KCNN2: variants seen among roughly 807,000 people sequenced by gnomAD.
The protein encoded by KCNN2 is potassium calcium-activated channel subfamily N member 2, also known as small conductance calcium-activated potassium channel protein 2.
In KCNN2, 24 loss-of-function variants were observed where a neutral mutation model predicts 55.5. That is an observed-to-expected ratio of 0.43 (90% CI 0.31 to 0.61). The LOEUF is 0.61. KCNN2 is among the 20% of genes least tolerant of loss of function. The probability of loss-of-function intolerance (pLI) is 0.08; values close to 1 mark genes in which losing one functional copy is unlikely to be tolerated. For missense variants in KCNN2, 754 were observed against 853.6 expected, an observed-to-expected ratio of 0.88 and a Z score of 1.45; for synonymous variants, 431 against 336.1, an observed-to-expected ratio of 1.28 and a Z score of -3.09.
chr5:114,303,787 G>A (rs568545166), intron 2 of KCNN2, among the ~76,000 whole-genome samples: 52 of 152,230 alleles, frequency 3.4e-4, no homozygotes, highest in African/African-American at 1.3e-3. Flanking sequence ...AGGTGGTAGG[G>A]CACTAGAAAA....
Position 114,241,751 on chromosome 5 carries a change from T to TATATAC in KCNN2, c.-185+20186_-185+20187insATATAC, listed in dbSNP as rs1491525723. 7.2e-4 allele frequency among the ~76,000 whole-genome samples: 5 copies of TATATAC among 6,952 alleles called. 1 individual carries two copies. Among genetic ancestry groups the TATATAC allele is most frequent in the East Asian group, 0.029 (1 of 34 alleles). 4.6% of individuals were successfully genotyped at this position (6,952 alleles called of 152,430 possible). ...ATATATACATATATACGTATATATA[T>TATATAC]GTATATATATACGTATATATATACA... On this transcript the variant is annotated intron_variant, in intron 2 of 10. Transcript: ENST00000512097.
At chr5:114,241,775 C>CAT (rs1754639435) in intron 2 of KCNN2, among the ~76,000 whole-genome samples, 1 of 17,450 alleles carries the variant, frequency 5.7e-5, no homozygotes, top group African/African-American at 2.4e-4. Flanking sequence ...TATATATATA[C>CAT]ATATATACGT....
intron 1 of KCNN2, among the ~76,000 whole-genome samples, chr5:114,197,331 G>T (rs1294074620): frequency 6.6e-6 from 1 of 152,156 alleles, no homozygotes; most frequent in Non-Finnish European, 1.5e-5. Context: ...AGACATATTT[G>T]TTAGTTCTAG....
intron 2 of KCNN2, among the ~76,000 whole-genome samples, chr5:114,229,440 A>G (rs1035753162): frequency 6.6e-6 from 1 of 151,890 alleles, no homozygotes. Context: ...TATATTAACT[A>G]TCTTGCATGT....
chr5:114,386,186 A>C (rs1309865712), intron 2 of KCNN2, among the ~76,000 whole-genome samples: 1 of 151,220 alleles, frequency 6.6e-6, no homozygotes, highest in East Asian at 1.9e-4. Context: ...CTGTCTAAAA[A>C]AAAAAAAAAA....
intron 2 of KCNN2, among the ~76,000 whole-genome samples, chr5:114,375,483 C>T (rs192123163): frequency 1.6e-3 from 243 of 152,116 alleles, no homozygotes; most frequent in African/African-American, 5.5e-3. Context: ...TGCTGTAAGT[C>T]AATTTTCATA....
Position 114,144,174 on chromosome 5 carries a change from T to C in KCNN2, c.-270-77306T>C, listed in dbSNP as rs1001976285. Reference sequence around the variant, plus strand: ...ATGGCGTTTTACTGATTCCCAATTGTGAACAGACTCATTATGTTGAAACGG... The same window carrying C: ...ATGGCGTTTTACTGATTCCCAATTGCGAACAGACTCATTATGTTGAAACGG... On this transcript the variant is annotated intron_variant, in intron 1 of 10. Coordinates refer to the KCNN2 transcript ENST00000512097. 2.6e-5 allele frequency among the ~76,000 whole-genome samples: 4 copies of C among 152,324 alleles called. No individual in the cohort carries two copies. The South Asian group carries it at 6.2e-4, about 24-fold the overall frequency.
At chr5:114,465,861 A>G (rs1458158926) in intron 4 of KCNN2, among the ~76,000 whole-genome samples, 1 of 152,168 alleles carries the variant, frequency 6.6e-6, no homozygotes, top group Non-Finnish European at 1.5e-5. Flanking sequence ...TTTGAGTAAC[A>G]TATTTGAGAT....
intron 2 of KCNN2, among the ~76,000 whole-genome samples, chr5:114,240,917 A>G (rs923155207): frequency 3.9e-5 from 6 of 152,212 alleles, no homozygotes; most frequent in African/African-American, 1.2e-4. Flanking sequence ...AAATTACACA[A>G]GAGGATTTAT....
chr5:114,133,341 C>T (rs959515676), intron 1 of KCNN2, among the ~76,000 whole-genome samples: 2 of 152,156 alleles, frequency 1.3e-5, no homozygotes, highest in African/African-American at 4.8e-5. Flanking sequence ...TGTCCTTTTA[C>T]TTTTAAAGTG....
intron 2 of KCNN2, among the ~76,000 whole-genome samples, chr5:114,268,050 C>A (rs1227295699): frequency 6.6e-6 from 1 of 152,202 alleles, no homozygotes; most frequent in East Asian, 1.9e-4. Flanking sequence ...CTAGCACTTC[C>A]CACTTGATGC....
intron 2 of KCNN2, among the ~76,000 whole-genome samples, chr5:114,241,786 A>G (rs1409815728): frequency 0.18 from 4,289 of 23,986 alleles, 1,157 homozygotes; most frequent in South Asian, 0.28. Flanking sequence ...ATATATACGT[A>G]TATATATGTA....
chr5:114,419,720 G>A (rs1333673437), intron 3 of KCNN2, among the ~76,000 whole-genome samples: 1 of 152,236 alleles, frequency 6.6e-6, no homozygotes, highest in Non-Finnish European at 1.5e-5. Context: ...GGCCTGTGCA[G>A]TGGCTCATGC....
intron 2 of KCNN2, among the ~76,000 whole-genome samples, chr5:114,319,139 A>C (rs1756565351): frequency 6.6e-6 from 1 of 152,176 alleles, no homozygotes; most frequent in African/African-American, 2.4e-5. Flanking sequence ...GGGGAGACAA[A>C]ATAGATTAAG....
At chr5:114,211,194 G>A (rs1458896742) in intron 1 of KCNN2, among the ~76,000 whole-genome samples, 1 of 152,120 alleles carries the variant, frequency 6.6e-6, no homozygotes, top group Non-Finnish European at 1.5e-5. Flanking sequence ...ATTTGATCCA[G>A]CAATCCCGTT....
chr5:114,091,006 A>G lies in KCNN2; in HGVS notation c.-271+34506A>G, dbSNP rs1016043486. On this transcript the variant is annotated intron_variant, in intron 1 of 10. Transcript: ENST00000512097. ...GCATGTACCATGCCCGGCTAATTTTATTTTATTTTATTTTGTAGAGATGGG... is the reference window on the plus strand; with the variant it reads ...GCATGTACCATGCCCGGCTAATTTTGTTTTATTTTATTTTGTAGAGATGGG... 2.3e-4 allele frequency among the ~76,000 whole-genome samples: 35 copies of G among 151,902 alleles called. 1 individual carries two copies. Among genetic ancestry groups the G allele is most frequent in the Admixed American group, 2.0e-3 (31 of 15,240 alleles).
At chr5:114,323,675 G>A (rs892181926) in intron 2 of KCNN2, among the ~76,000 whole-genome samples, 8 of 21,950 alleles carry the variant, frequency 3.6e-4, no homozygotes, top group South Asian at 3.0e-3. Context: ...TTTGCTGGTC[G>A]GGATGGAATC....
chr5:114,426,890 C>T (rs1005915234), intron 3 of KCNN2, among the ~76,000 whole-genome samples: 9 of 152,142 alleles, frequency 5.9e-5, no homozygotes, highest in South Asian at 4.1e-4. Flanking sequence ...GATTCTCTAA[C>T]GGAAGCATAT....
intron 2 of KCNN2, among the ~76,000 whole-genome samples, chr5:114,391,608 C>T (rs1758454196): frequency 6.6e-6 from 1 of 152,178 alleles, no homozygotes; most frequent in African/African-American, 2.4e-5. Flanking sequence ...AACTCTACCA[C>T]TCAATGGTTA....
Sources: allele counts gnomAD v4.1 joint callset (sites outside exome capture counted in the v4.1 genomes callset), GRCh38; gene constraint gnomAD v4.1.1; transcripts MANE v1.5; gene names NCBI Gene and HGNC (gene_info 2026-07-23, HGNC 2026-07-21).